Variants in ZNF184 observed in about 807,000 individuals in gnomAD.
The protein encoded by ZNF184 is zinc finger protein 184 (Kruppel-like).
Under a neutral mutation model 54.4 loss-of-function variants are expected in ZNF184, and 16 were observed. The ratio of observed to expected loss-of-function variants is 0.29; its 90% CI spans 0.20 to 0.45. The LOEUF is 0.45. ZNF184 is among the 20% of genes least tolerant of loss of function. The probability of loss-of-function intolerance (pLI) is 1.00; values close to 1 mark genes in which losing one functional copy is unlikely to be tolerated. For synonymous variants in ZNF184, 254 were observed against 295.3 expected (o/e 0.86, Z 1.43); for missense variants, 681 against 888.2 (o/e 0.77, Z 2.97).
At chr6:27,463,365 T>G (rs531679555) in intron 3 of ZNF184, among the ~76,000 whole-genome samples, 1 of 151,310 alleles carries the variant, frequency 6.6e-6, no homozygotes, top group East Asian at 1.9e-4. Context: ...CCAGTTAGTA[T>G]TAACAGAAGA....
At chr6:27,448,952 C>T (rs963261267), downstream of ZNF184, among the ~76,000 whole-genome samples, 2 of 152,174 alleles carry the variant, frequency 1.3e-5, no homozygotes, top group African/African-American at 2.4e-5. Flanking sequence ...AGCTCTGCAA[C>T]AGAATATTTG....
chr6:27,466,172 T>G (rs555797592), intron 3 of ZNF184, among the ~76,000 whole-genome samples: 26 of 146,388 alleles, frequency 1.8e-4, no homozygotes, highest in Non-Finnish European at 2.4e-4. Context: ...GAGAGAGAGA[T>G]AAATTTGAAG....
chr6:27,405,065 C>G, the ZNF184 span: 1 of 151,906 alleles, frequency 6.6e-6, no homozygotes, highest in Non-Finnish European at 1.5e-5. Flanking sequence ...TACTATATCA[C>G]TGGTTTGTGT....
the ZNF184 span, among the ~76,000 whole-genome samples, chr6:27,412,303 C>T: frequency 6.6e-6 from 1 of 152,178 alleles, no homozygotes; most frequent in Non-Finnish European, 1.5e-5. Context: ...AGCAAATGCT[C>T]AGAGCAGAGA....
Position 27,451,381 on chromosome 6 carries a change from A to G in ZNF184, c.2178T>C (p.Phe726=). Residue 726 remains phenylalanine, a synonymous_variant, in exon 6 of 6, where the codon TTT becomes TTC. Coordinates refer to ENST00000683788, the MANE Select transcript of ZNF184 (RefSeq NM_001318891.2). ...HQRIHSGEKP[F]GCNDCGKSFR... ...AGGATTTTCCACAATCATTACATCC[A>G]AAAGGCTTCTCTCCTGAATGAATTC... The G allele has an allele frequency of 6.2e-7, 1 of 1,614,132 alleles. No individual in the cohort carries two copies. Among genetic ancestry groups the G allele is most frequent in the Non-Finnish European group, 8.5e-7 (1 of 1,179,984 alleles).
intron 3 of ZNF184, among the ~76,000 whole-genome samples, chr6:27,461,123 TG>T (rs1318409158): frequency 6.6e-6 from 1 of 152,168 alleles, no homozygotes; most frequent in Non-Finnish European, 1.5e-5. Flanking sequence ...AAACTATAGC[TG>T]GTCATATGGC....
the ZNF184 span, among the ~76,000 whole-genome samples, chr6:27,437,839 A>G: frequency 2.6e-5 from 4 of 152,216 alleles, no homozygotes; most frequent in Non-Finnish European, 4.4e-5. Flanking sequence ...CTTATCCTGG[A>G]CATTTTGAAC....
chr6:27,423,925 C>G, the ZNF184 span, among the ~76,000 whole-genome samples: 1 of 152,176 alleles, frequency 6.6e-6, no homozygotes, highest in Non-Finnish European at 1.5e-5. Context: ...CTAGCAAATG[C>G]TTGAGTCTGC....
At chr6:27,414,937 T>C in the ZNF184 span, among the ~76,000 whole-genome samples, 2 of 152,176 alleles carry the variant, frequency 1.3e-5, no homozygotes, top group Non-Finnish European at 2.9e-5. Context: ...CGCCTCATGA[T>C]AGTATGTGAC....
the ZNF184 span, among the ~76,000 whole-genome samples, chr6:27,444,425 TTCTC>T: frequency 3.3e-5 from 5 of 152,142 alleles, no homozygotes. Flanking sequence ...GTCAGTTTTT[TTCTC>T]TCTATTCATT....
chr6:27,421,411 T>A, the ZNF184 span, among the ~76,000 whole-genome samples: 1 of 152,166 alleles, frequency 6.6e-6, no homozygotes, highest in African/African-American at 2.4e-5. Context: ...AAGTCTATAT[T>A]TATCCAATCT....
chr6:27,432,119 C>A, the ZNF184 span, among the ~76,000 whole-genome samples: 1 of 151,952 alleles, frequency 6.6e-6, no homozygotes, highest in Non-Finnish European at 1.5e-5. This position sits in a 1 kb window ranked among gnomAD's most constrained non-coding sequence, Gnocchi z 4.0. Flanking sequence ...TGCTAGGACA[C>A]CAAGGGAGAG....
At chr6:27,461,041 G>A (rs1762981573) in intron 3 of ZNF184, among the ~76,000 whole-genome samples, 1 of 152,184 alleles carries the variant, frequency 6.6e-6, no homozygotes, top group Non-Finnish European at 1.5e-5. Flanking sequence ...GGGACAAGAT[G>A]TACCAAACTG....
the ZNF184 span, among the ~76,000 whole-genome samples, chr6:27,417,265 C>T: frequency 1.6e-4 from 24 of 152,288 alleles, no homozygotes; most frequent in South Asian, 6.2e-4. Flanking sequence ...TATTTTTTCA[C>T]ACCTCTTTCT....
the ZNF184 span, among the ~76,000 whole-genome samples, chr6:27,412,423 T>C: frequency 0.41 from 62,944 of 152,032 alleles, 13,860 homozygotes; most frequent in South Asian, 0.56. Flanking sequence ...CTTTTACTAA[T>C]GCTATTCCAG....
the ZNF184 span, among the ~76,000 whole-genome samples, chr6:27,412,962 C>T: frequency 6.6e-6 from 1 of 152,182 alleles, no homozygotes; most frequent in African/African-American, 2.4e-5. Flanking sequence ...AGAGGCTAGG[C>T]GTGGTGGCTC....
At chr6:27,465,198 A>G (rs1365157804) in intron 3 of ZNF184, among the ~76,000 whole-genome samples, 16 of 150,014 alleles carry the variant, frequency 1.1e-4, no homozygotes, top group Admixed American at 1.0e-3. Flanking sequence ...AGAAAAGAAA[A>G]ACCCGGCAGG....
the ZNF184 span, among the ~76,000 whole-genome samples, chr6:27,410,379 G>T: frequency 6.6e-6 from 1 of 152,176 alleles, no homozygotes; most frequent in African/African-American, 2.4e-5. Context: ...CAGAGAGGTG[G>T]GAAAATGTTC....
chr6:27,453,128 C>T lies in ZNF184; in HGVS notation c.431G>A (p.Trp144Ter). Residue 144 changes from tryptophan to a stop codon, truncating the protein, a stop_gained, in exon 6 of 6, where the codon TGG becomes TAG. Coordinates refer to ENST00000683788, the MANE Select transcript of ZNF184 (RefSeq NM_001318891.2). LOFTEE classifies it high-confidence loss of function. The surrounding 1 kb of genome is among the most constrained non-coding windows in gnomAD (Gnocchi z 4.7). ...TCTCTCTAAACTGCCTTCATATTCC[C>T]AACTTTCTAGCAAGTTGGAACTCCA... is the stretch of plus-strand genomic sequence containing the variant. ...DSWSSNLLES[W>*]EYEGSLERQQ... The T allele has an allele frequency of 6.2e-7, 1 of 1,614,084 alleles. No homozygotes were observed. Among genetic ancestry groups the T allele is most frequent in the Non-Finnish European group, 8.5e-7 (1 of 1,180,002 alleles).
Sources: allele counts gnomAD v4.1 joint callset (sites outside exome capture counted in the v4.1 genomes callset), GRCh38; gene constraint gnomAD v4.1.1; non-coding constraint Gnocchi (gnomAD v3.1); transcripts MANE v1.5; gene names NCBI Gene and HGNC (gene_info 2026-07-23, HGNC 2026-07-21).